PRKAG3: variants seen among roughly 807,000 people sequenced by gnomAD.
PRKAG3 encodes the protein 5'-AMP-activated protein kinase subunit gamma-3.
In PRKAG3, 39 loss-of-function variants were observed where a neutral mutation model predicts 56.5. The observed-to-expected ratio is 0.69, with a 90% CI of 0.53 to 0.90. The LOEUF (loss-of-function observed/expected upper bound fraction) is 0.90. PRKAG3 is among the 40% of genes least tolerant of loss of function. PRKAG3 has a pLI of 0.00. For missense variants in PRKAG3, 628 were observed against 627.5 expected, an observed-to-expected ratio of 1.00 and a Z score of -0.01; for synonymous variants, 243 against 250.1, an observed-to-expected ratio of 0.97 and a Z score of 0.27.
intron 12 of PRKAG3, 57 bp downstream of exon 12, chr2:218,824,165 T>G: frequency 6.2e-7 from 1 of 1,613,274 alleles, no homozygotes; most frequent in East Asian, 2.2e-5. Context: ...GCTGGAGCCG[T>G]GCATGAGAAG....
chr2:218,828,889 A>G (rs892437113), intron 4 of PRKAG3, among the ~76,000 whole-genome samples: 1 of 152,206 alleles, frequency 6.6e-6, no homozygotes, highest in Non-Finnish European at 1.5e-5. Flanking sequence ...TTCTAAGTTC[A>G]TGTTTCCATT....
Position 218,827,806 on chromosome 2 carries a change from C to CT in PRKAG3, c.820+26_820+27insA, listed in dbSNP as rs1444550268. 8 of 1,611,328 alleles carry CT rather than the reference C, an allele frequency of 5.0e-6. No individual in the cohort carries two copies. In the Admixed American group the frequency reaches 1.3e-4, roughly 27 times the overall value. On this transcript the variant is annotated intron_variant, in intron 7 of 12. Coordinates refer to ENST00000529249, the Ensembl canonical transcript of PRKAG3. The surrounding 1 kb of genome is among the most constrained non-coding windows in gnomAD (Gnocchi z 5.3). Reference sequence around the variant, plus strand: ...GCCCTGGCCCACCATCACCAACAGCCCTTTCCGGGTTCCTCTCCCCACTCA... The same window carrying CT: ...GCCCTGGCCCACCATCACCAACAGCCTCTTTCCGGGTTCCTCTCCCCACTCA...
At chr2:218,823,908 C>T in intron 12 of PRKAG3, 30 bp from the exon 13 acceptor site, 2 of 1,597,662 alleles carry the variant, frequency 1.3e-6, no homozygotes, top group Non-Finnish European at 1.7e-6. Flanking sequence ...AGTGAGGGGG[C>T]AGAGCCATGG....
chr2:218,828,245 C>G (rs988111782), intron 5 of PRKAG3, among the ~76,000 whole-genome samples, 183 bp from the exon 6 acceptor site: 1 of 152,208 alleles, frequency 6.6e-6, no homozygotes, highest in African/African-American at 2.4e-5. Context: ...CTGCCTCCCC[C>G]CATTTGCTCC....
chr2:218,825,501 A>C (rs910466074), intron 10 of PRKAG3, among the ~76,000 whole-genome samples: 4 of 151,858 alleles, frequency 2.6e-5, no homozygotes, highest in African/African-American at 9.7e-5. Flanking sequence ...CCCAAAAATT[A>C]GCTGGGCGTG....
intron 10 of PRKAG3, among the ~76,000 whole-genome samples, chr2:218,825,259 C>G (rs1000959106): frequency 6.7e-6 from 1 of 149,450 alleles, no homozygotes; most frequent in African/African-American, 2.5e-5. Context: ...TTGCTTGAAT[C>G]TGGGAGGTGG....
intron 5 of PRKAG3, 42 bp downstream of exon 5, chr2:218,828,477 T>G (rs2105988351): frequency 1.3e-6 from 2 of 1,559,224 alleles, no homozygotes; most frequent in Non-Finnish European, 1.8e-6. Context: ...GATCTCCCCC[T>G]CACCTCCTCC....
downstream of PRKAG3, chr2:218,822,387 G>C (rs578055657): frequency 1.8e-4 from 27 of 152,350 alleles, no homozygotes; most frequent in South Asian, 3.5e-3. Context: ...TACATTGCAA[G>C]AGAAACGGCA....
exon 12 of PRKAG3, chr2:218,824,358 G>A (rs1943900446): frequency 1.2e-6 from 2 of 1,614,076 alleles, no homozygotes; most frequent in Non-Finnish European, 8.5e-7. Context: ...GGTTTGCTGG[G>A]CAGCCAGGTG....
At chr2:218,828,175 A>C in intron 5 of PRKAG3, 113 bp from the exon 6 acceptor site, 1 of 1,060,248 alleles carries the variant, frequency 9.4e-7, no homozygotes, top group South Asian at 1.5e-5. Flanking sequence ...CACAGTGGGG[A>C]CTGTGGGAAC....
chr2:218,828,597 T>C (rs1291665558), exon 5 of PRKAG3: 1 of 1,613,042 alleles, frequency 6.2e-7, no homozygotes, highest in Admixed American at 1.7e-5. Context: ...AAGGCCTTCT[T>C]GATCTGAGGG....
intron 3 of PRKAG3, 60 bp from the exon 4 acceptor site, chr2:218,830,441 T>A: frequency 6.4e-7 from 1 of 1,550,484 alleles, no homozygotes; most frequent in Non-Finnish European, 8.8e-7. Flanking sequence ...CGTTCTCATC[T>A]GCTGTCGCCA....
exon 4 of PRKAG3, chr2:218,830,295 C>G (rs759701909): frequency 2.5e-6 from 4 of 1,613,346 alleles, no homozygotes; most frequent in South Asian, 2.2e-5. Flanking sequence ...GTGCCCACCC[C>G]GGCAGGATCA....
At position 218,824,242 on chromosome 2, in the gene PRKAG3, C is replaced by T. The variant is rs750886488; in HGVS notation, c.1333G>A (p.Asp445Asn). 12 of 1,614,012 alleles carry T rather than the reference C, an allele frequency of 7.4e-6. No homozygotes were observed. In the East Asian group the frequency reaches 1.3e-4, roughly 18 times the overall value. ...GGTACCTGCTCCCGAGCAATCCTGTCGATCACTTCCCCCAAGCTCTCGTGG... is the reference window on the plus strand; with the variant it reads ...GGTACCTGCTCCCGAGCAATCCTGTTGATCACTTCCCCCAAGCTCTCGTGG... Residue 445 changes from aspartate (D) to asparagine (N), a missense_variant, in exon 12 of 13, where the codon GAC becomes AAC. Transcript: ENST00000529249.
In PRKAG3 at chr2:218,827,957, G is replaced by A. The variant is rs768912719; in HGVS notation, c.774+47C>T. The A allele has an allele frequency of 3.9e-5, 63 of 1,596,562 alleles. No homozygotes were observed. The highest frequency in any genetic ancestry group is 1.7e-4 in the Middle Eastern group (1 of 6,032). ...CCAGGCTCCAGGAGGACTCCCCTCC[G>A]CCCCCGCCCCTCTGGGTGCCCATAA... On this transcript the variant is annotated intron_variant, in intron 6 of 12. Transcript: ENST00000529249. This position sits in a 1 kb window ranked among gnomAD's most constrained non-coding sequence, Gnocchi z 5.3.
chr2:218,824,231 A>G (rs1943897599), exon 12 of PRKAG3: 1 of 1,613,940 alleles, frequency 6.2e-7, no homozygotes, highest in African/African-American at 1.3e-5. Flanking sequence ...CCTGCTCCCG[A>G]GCAATCCTGT....
chr2:218,829,465 C>A (rs149032691), intron 4 of PRKAG3, among the ~76,000 whole-genome samples: 2 of 151,830 alleles, frequency 1.3e-5, no homozygotes, highest in African/African-American at 2.4e-5. Context: ...GGATTACAGG[C>A]GCCCACCACC....
chr2:218,825,551 G>A (rs1356784571), intron 10 of PRKAG3, among the ~76,000 whole-genome samples: 1 of 151,634 alleles, frequency 6.6e-6, no homozygotes, highest in Non-Finnish European at 1.5e-5. Flanking sequence ...AGGAGGCTGA[G>A]GCACAAGAAT....
intron 10 of PRKAG3, among the ~76,000 whole-genome samples, chr2:218,825,573 G>A (rs537365861): frequency 7.0e-6 from 1 of 142,042 alleles, no homozygotes; most frequent in South Asian, 2.1e-4. Context: ...ACTTGAACTC[G>A]GGAGGCAGAG....
Sources: allele counts gnomAD v4.1 joint callset (sites outside exome capture counted in the v4.1 genomes callset), GRCh38; gene constraint gnomAD v4.1.1; non-coding constraint Gnocchi (gnomAD v3.1); transcripts MANE v1.5; gene names NCBI Gene and HGNC (gene_info 2026-07-23, HGNC 2026-07-21).